Variants in ASPM observed in about 807,000 individuals in gnomAD.
ASPM encodes assembly factor for spindle microtubules, also known as abnormal spindle-like microcephaly-associated protein.
A neutral mutation model predicts 366.4 loss-of-function variants in ASPM; 256 were observed. The ratio of observed to expected loss-of-function variants is 0.70; its 90% CI spans 0.63 to 0.77. The LOEUF is 0.77. Ranked by LOEUF, ASPM falls within the 30% of genes least tolerant of loss-of-function variation. The probability of loss-of-function intolerance (pLI) is 0.00; values close to 1 mark genes in which losing one functional copy is unlikely to be tolerated. For synonymous variants in ASPM, 1,414 were observed against 1,342.9 expected (o/e 1.05, Z -1.16); for missense variants, 4,146 against 4,090.4 (o/e 1.01, Z -0.37).
chr1:197,091,700 T>C (rs991982906), intron 22 of ASPM, among the ~76,000 whole-genome samples: 2 of 151,964 alleles, frequency 1.3e-5, no homozygotes, highest in African/African-American at 4.8e-5. Flanking sequence ...ATGAGTACAA[T>C]TACATCAGAC....
intron 18 of ASPM, 100 bp from the exon 19 acceptor site, chr1:197,096,264 A>G (rs1198949994): frequency 9.5e-7 from 1 of 1,058,186 alleles, no homozygotes; most frequent in Non-Finnish European, 1.4e-6. Context: ...AGGTTAGTGC[A>G]GACAAAAATA....
Position 197,096,067 on chromosome 1 carries a change from T to C in ASPM, c.8918A>G (p.Glu2973Gly). 1 of 1,609,402 alleles carries C rather than the reference T, an allele frequency of 6.2e-7. No homozygotes were observed. The highest frequency in any genetic ancestry group is 8.5e-7 in the Non-Finnish European group (1 of 1,176,386). The change falls in exon 19 of 28, where the codon GAA (glutamate) becomes GGA (glycine). Residue 2973 changes from glutamate (E) to glycine (G), a missense_variant. By Grantham distance (98) the Glu-to-Gly change is moderately conservative (BLOSUM62 -2). This residue lies in a region of ASPM where 3,624 missense variants were observed against 3,591.7 expected (regional missense o/e 1.01). Transcript: ENST00000367409. ...AWYRCWRAHK[E>G]YLAILKAVKI... ...AACAGCTTTTAATATAGCTAGATAT[T>C]CTTTGTGTGCTCTCCAACATCTATA...
chr1:197,139,949 G>C, intron 3 of ASPM, 78 bp from the exon 4 acceptor site: 1 of 1,007,074 alleles, frequency 9.9e-7, no homozygotes, highest in Non-Finnish European at 1.5e-6. Flanking sequence ...GAAAGTTAAA[G>C]TTTGGGTTCT....
intron 16 of ASPM, 68 bp downstream of exon 16, chr1:197,121,847 A>G: frequency 6.6e-7 from 1 of 1,515,928 alleles, no homozygotes; most frequent in Non-Finnish European, 9.1e-7. Flanking sequence ...AAATCATATC[A>G]AAAATCAATC....
chr1:197,111,428 A>T (rs891978821), intron 17 of ASPM, among the ~76,000 whole-genome samples: 3 of 152,146 alleles, frequency 2.0e-5, no homozygotes, highest in Admixed American at 6.6e-5. Flanking sequence ...GTCAAAAAAC[A>T]GATGCTGGCA....
Position 197,105,000 on chromosome 1 carries a change from A to G in ASPM, c.4251T>C (p.Tyr1417=), listed in dbSNP as rs1557948417. The G allele has an allele frequency of 1.2e-6, 2 of 1,611,278 alleles. No homozygotes were observed. The highest frequency in any genetic ancestry group is 1.7e-6 in the Non-Finnish European group (2 of 1,178,788). Residue 1417 remains tyrosine (Y), a synonymous_variant, in exon 18 of 28, where the codon TAT becomes TAC. Coordinates refer to ENST00000367409, the MANE Select transcript of ASPM (RefSeq NM_018136.5). ...TAAGAGTTGATGATTTTAGCATTTCATATCTTTGTTGATCTTGTTTTCTTC... is the reference window on the plus strand; with the variant it reads ...TAAGAGTTGATGATTTTAGCATTTCGTATCTTTGTTGATCTTGTTTTCTTC... The part of the protein sequence containing the change: ...YLRRKQDQQR[Y]EMLKSSTLII...
chr1:197,087,403 T>G (rs937221142), intron 26 of ASPM, among the ~76,000 whole-genome samples: 1 of 152,106 alleles, frequency 6.6e-6, no homozygotes, highest in African/African-American at 2.4e-5. Context: ...CTTTGAATAA[T>G]CAAAGAAACC....
Position 197,102,480 on chromosome 1 carries a change from T to A in ASPM, c.6771A>T (p.Arg2257Ser). The A allele has an allele frequency of 6.2e-7, 1 of 1,612,760 alleles. No individual in the cohort carries two copies. Among genetic ancestry groups the A allele is most frequent in the South Asian group, 1.1e-5 (1 of 91,054 alleles). Residue 2257 changes from arginine (R) to serine (S), a missense_variant, in exon 18 of 28, where the codon AGA becomes AGT. Arg to Ser is a moderately radical substitution (Grantham distance 110). This residue lies in a region of ASPM where 3,624 missense variants were observed against 3,591.7 expected (regional missense o/e 1.01). Transcript: ENST00000367409. ...CGGCTATATGCATCATTTTTAAATG[T>A]CTTCTAGCTTTCTTTCCCCTAAAAA... ...QAIFRGKKARRHLKMMHIAAT... is the reference protein window; with the variant it reads ...QAIFRGKKARSHLKMMHIAAT...
chr1:197,102,167 C>A lies in ASPM; in HGVS notation c.7084G>T (p.Val2362Phe), dbSNP rs750361339. ...GCTTGGTATTGCTGTTGGATCACAACGGAGGCCTGTTTCAAAGCCTGATAT... is the reference window on the plus strand; with the variant it reads ...GCTTGGTATTGCTGTTGGATCACAAAGGAGGCCTGTTTCAAAGCCTGATAT... The part of the protein sequence containing the change: ...MRYQALKQAS[V>F]VIQQQYQANR... Residue 2362 changes from valine (V) to phenylalanine (F), a missense_variant, in exon 18 of 28, where the codon GTT becomes TTT. Physicochemically the swap from Val to Phe is conservative, Grantham distance 50. Around this residue, in one of 3 missense-constraint regions of ASPM, gnomAD observed 3,624 missense variants for 3,591.7 expected, o/e 1.01. Transcript: ENST00000367409. The A allele has an allele frequency of 6.2e-7, 1 of 1,612,764 alleles. No individual in the cohort carries two copies. Among genetic ancestry groups the A allele is most frequent in the Non-Finnish European group, 8.5e-7 (1 of 1,179,266 alleles).
chr1:197,129,795 G>A, intron 8 of ASPM, 120 bp downstream of exon 8: 1 of 1,160,034 alleles, frequency 8.6e-7, no homozygotes, highest in South Asian at 1.3e-5. Context: ...AGTACTAGAA[G>A]CAGAGACTTA....
intron 5 of ASPM, among the ~76,000 whole-genome samples, chr1:197,134,150 C>A (rs1658348035): frequency 6.6e-6 from 1 of 151,828 alleles, no homozygotes; most frequent in South Asian, 2.1e-4. Context: ...GTAATCCCAG[C>A]CTTTTGGGAG....
chr1:197,101,672 A>C lies in ASPM; in HGVS notation c.7579T>G (p.Tyr2527Asp), dbSNP rs1175409541. The part of the protein sequence containing the change: ...YRAAKLQREN[Y>D]IRQWHSAVVI... ...ACAGCAGAATGCCATTGTCTGATAT[A>C]ATTTTCTCTTTGTAATTTTGCAGCT... is the stretch of plus-strand genomic sequence containing the variant. Residue 2527 changes from tyrosine to aspartate, a missense_variant, in exon 18 of 28, where the codon TAT becomes GAT. Coordinates refer to ENST00000367409, the MANE Select transcript of ASPM (RefSeq NM_018136.5). 4 of 1,612,104 alleles carry C rather than the reference A, an allele frequency of 2.5e-6. No individual in the cohort carries two copies. The highest frequency in any genetic ancestry group is 3.4e-6 in the Non-Finnish European group (4 of 1,179,134).
In ASPM at chr1:197,143,258, G is replaced by C. The variant is rs200168598; in HGVS notation, c.994C>G (p.Leu332Val). The C allele has an allele frequency of 2.5e-6, 4 of 1,612,272 alleles. No homozygotes were observed. Among genetic ancestry groups the C allele is most frequent in the Non-Finnish European group, 3.4e-6 (4 of 1,178,560 alleles). Residue 332 changes from leucine (L) to valine (V), a missense_variant, in exon 3 of 28, where the codon CTA becomes GTA. Leu to Val is a conservative substitution (Grantham distance 32). Transcript: ENST00000367409. ...GATGAAAGACATGTTACTAATTCTA[G>C]TTCATTATTAGCTCCATGACTATTA... Reference protein sequence around the residue: ...VNNSHGANNELELVTCLSSDM... With the variant: ...VNNSHGANNEVELVTCLSSDM...
intron 10 of ASPM, among the ~76,000 whole-genome samples, 158 bp from the exon 11 acceptor site, chr1:197,125,349 A>G (rs1452112000): frequency 6.6e-6 from 1 of 152,224 alleles, no homozygotes; most frequent in Non-Finnish European, 1.5e-5. Context: ...GTTGCTCCAT[A>G]GTCGGCAAGT....
At chr1:197,088,903 T>C (rs989600295) in intron 25 of ASPM, among the ~76,000 whole-genome samples, 2 of 152,024 alleles carry the variant, frequency 1.3e-5, no homozygotes, top group Non-Finnish European at 2.9e-5. Context: ...ATACATATGA[T>C]GCTAGTAAGT....
chr1:197,142,492 C>T lies in ASPM; in HGVS notation c.1760G>A (p.Arg587Lys), dbSNP rs1470475970. The change falls in exon 3 of 28, where the codon AGA (arginine) becomes AAA (lysine). Residue 587 changes from arginine to lysine, a missense_variant. Transcript: ENST00000367409. ...SDGSMEDANV[R>K]VAITEHTEVR... ...TTCTGTATGTTCTGTAATTGCAACT[C>T]TCACATTTGCATCTTCCATGCTTCC... is the stretch of plus-strand genomic sequence containing the variant. The T allele has an allele frequency of 6.2e-7, 1 of 1,614,030 alleles. No homozygotes were observed. The highest frequency in any genetic ancestry group is 8.5e-7 in the Non-Finnish European group (1 of 1,179,888).
In ASPM at chr1:197,094,078, A is replaced by T; in HGVS notation, c.9084+6T>A. Reference sequence around the variant, plus strand: ...ATTTGCAAGTGAATTAATTTTTAATACCTACTTTTATCATTAAGAAGTGTT... The same window carrying T: ...ATTTGCAAGTGAATTAATTTTTAATTCCTACTTTTATCATTAAGAAGTGTT... On this transcript the variant is annotated splice_donor_region_variant and intron_variant, in intron 20 of 27. Transcript: ENST00000367409. 1 of 1,509,578 alleles carries T rather than the reference A, an allele frequency of 6.6e-7. No homozygotes were observed. The highest frequency in any genetic ancestry group is 1.9e-4 in the Middle Eastern group (1 of 5,242). The allele number at this position is 1,509,578 out of a possible 1,614,324, so 93.5% of individuals were successfully genotyped here. A position where few individuals can be genotyped will look rare whatever the true frequency, so the allele number is the denominator to read the frequency against.
Position 197,102,213 on chromosome 1 carries a change from T to C in ASPM, c.7038A>G (p.Arg2346=), listed in dbSNP as rs1657214661. 1.2e-6 allele frequency: 2 copies of C among 1,612,842 alleles called. No individual in the cohort carries two copies. Among genetic ancestry groups the C allele is most frequent in the Non-Finnish European group, 1.7e-6 (2 of 1,179,310 alleles). Residue 2346 remains arginine, a synonymous_variant, in exon 18 of 28, where the codon AGA becomes AGG. Coordinates refer to ENST00000367409, the MANE Select transcript of ASPM (RefSeq NM_018136.5). ...GATATCTCATATGTAATCTGTGCATTCTGAAAGTAGACTGGATGAAAGTAG... is the reference window on the plus strand; with the variant it reads ...GATATCTCATATGTAATCTGTGCATCCTGAAAGTAGACTGGATGAAAGTAG... ...RAATFIQSTF[R]MHRLHMRYQA...
chr1:197,128,518 C>T lies in ASPM; in HGVS notation c.2908G>A (p.Val970Ile), dbSNP rs754615321. ...EFDFAVTNLA[V>I]DLQCGVRLVR... ...AGGCGCACTCCACATTGCAAGTCTA[C>T]GGCAAGATTTGTAACGGCAAAATCA... The change falls in exon 10 of 28, where the codon GTA (valine) becomes ATA (isoleucine). Residue 970 changes from valine (V) to isoleucine (I), a missense_variant. Coordinates refer to ENST00000367409, the MANE Select transcript of ASPM (RefSeq NM_018136.5). 68 of 1,613,526 alleles carry T rather than the reference C, an allele frequency of 4.2e-5. No homozygotes were observed. The highest frequency in any genetic ancestry group is 1.2e-4 in the Admixed American group (7 of 59,994).
Sources: gnomAD v4.1 joint callset for allele counts (sites outside exome capture counted in the v4.1 genomes callset) on GRCh38, gnomAD v4.1.1 for gene constraint, gnomAD v4.1.1 regional missense constraint, MANE v1.5 for transcripts, NCBI Gene and HGNC (gene_info 2026-07-23, HGNC 2026-07-21) for gene names.